The following FHIT variants were observed in gnomAD, a reference collection of about 807,000 sequenced individuals.
The protein encoded by FHIT is fragile histidine triad diadenosine triphosphatase, also known as bis(5'-adenosyl)-triphosphatase.
Under a neutral mutation model 17.9 loss-of-function variants are expected in FHIT, and 19 were observed. The ratio of observed to expected loss-of-function variants is 1.06; its 90% CI spans 0.74 to 1.56. The LOEUF is 1.56. Ranked by LOEUF, FHIT falls within the 40% of genes most tolerant of loss-of-function variation. The pLI, the probability that FHIT is intolerant of heterozygous loss-of-function variation, is 0.00. For missense variants in FHIT, 248 were observed against 189.2 expected (o/e 1.31, Z -1.82); for synonymous variants, 81 against 69.7 (o/e 1.16, Z -0.81).
chr3:59,886,282 C>T (rs1255536601), intron 8 of FHIT: 5 of 152,250 alleles, frequency 3.3e-5, no homozygotes, highest in African/African-American at 9.7e-5. Context: ...CTGAGCATCC[C>T]AGCTCCTACA....
Position 60,034,280 on chromosome 3 carries a change from T to C in FHIT, c.104-20128A>G, listed in dbSNP as rs577203849. Reference sequence around the variant, plus strand: ...TCAATGAACATGTCATTCAGATGAATTGTGCAGGTTGGCCAGCTGGCTGGC... The same window carrying C: ...TCAATGAACATGTCATTCAGATGAACTGTGCAGGTTGGCCAGCTGGCTGGC... On this transcript the variant is annotated intron_variant, in intron 5 of 9. Coordinates refer to ENST00000492590, the MANE Select transcript of FHIT (RefSeq NM_002012.4). Among the ~76,000 whole-genome samples, 57 of 152,350 alleles carry C rather than the reference T, an allele frequency of 3.7e-4. 1 individual carries two copies. The South Asian group carries it at 0.011, about 29-fold the overall frequency.
intron 3 of FHIT, among the ~76,000 whole-genome samples, chr3:60,882,773 T>C (rs62249338): frequency 0.24 from 36,942 of 152,056 alleles, 5,676 homozygotes; most frequent in East Asian, 0.59. Context: ...GAACAGGGAA[T>C]AGCTAAAAGC....
chr3:59,961,405 G>T (rs1000198379), intron 7 of FHIT, among the ~76,000 whole-genome samples: 2 of 152,102 alleles, frequency 1.3e-5, no homozygotes, highest in Non-Finnish European at 2.9e-5. Flanking sequence ...TCATTTCGCT[G>T]TACTTATAGC....
intron 8 of FHIT, among the ~76,000 whole-genome samples, chr3:59,913,355 G>C (rs977785853): frequency 6.6e-6 from 1 of 152,132 alleles, no homozygotes; most frequent in Non-Finnish European, 1.5e-5. Flanking sequence ...ATTTTCCTTA[G>C]GCTAAAGCAA....
At chr3:60,784,604 G>T (rs1553726382) in intron 4 of FHIT, among the ~76,000 whole-genome samples, 1 of 152,150 alleles carries the variant, frequency 6.6e-6, no homozygotes, top group Non-Finnish European at 1.5e-5. Flanking sequence ...CCAAAATTCT[G>T]GGATTACAGG....
chr3:59,752,811 G>A (rs1700992916), intron 8 of FHIT, among the ~76,000 whole-genome samples: 3 of 152,120 alleles, frequency 2.0e-5, no homozygotes, highest in Admixed American at 2.0e-4. Context: ...AGGTTCCTGA[G>A]GCCTCCCCAA....
chr3:60,135,593 GT>G (rs1217102008), intron 5 of FHIT, among the ~76,000 whole-genome samples: 2 of 152,014 alleles, frequency 1.3e-5, no homozygotes, highest in East Asian at 1.9e-4. Flanking sequence ...TCTACATGAA[GT>G]AACCCGACTG....
rs1219243730 is a variant in FHIT at position 60,448,624 on chromosome 3, G to A, written c.103+88236C>T. ...GACAACCTGAACTAGCTCTCTGGAT[G>A]CAACATTGAAAGCTCTTAACCGCAT... On this transcript the variant is annotated intron_variant, in intron 5 of 9. Coordinates refer to ENST00000492590, the MANE Select transcript of FHIT (RefSeq NM_002012.4). Among the ~76,000 whole-genome samples the A allele has an allele frequency of 2.6e-5, 4 of 152,138 alleles. 1 individual carries two copies. In the South Asian group the frequency reaches 8.3e-4, roughly 32 times the overall value.
intron 5 of FHIT, among the ~76,000 whole-genome samples, chr3:60,510,398 A>C (rs2034904229): frequency 6.6e-6 from 1 of 152,182 alleles, no homozygotes; most frequent in South Asian, 2.1e-4. Flanking sequence ...TCCTTTAGGA[A>C]TTTTAGGACC....
At chr3:60,962,119 T>C (rs968016094) in intron 3 of FHIT, among the ~76,000 whole-genome samples, 1 of 152,222 alleles carries the variant, frequency 6.6e-6, no homozygotes, top group African/African-American at 2.4e-5. Context: ...CAGTGGTTTG[T>C]AGTTCTCCTT....
chr3:60,292,220 A>T (rs1391473110), intron 5 of FHIT, among the ~76,000 whole-genome samples: 2 of 152,290 alleles, frequency 1.3e-5, no homozygotes, highest in East Asian at 3.9e-4. Flanking sequence ...CTTCATCTTC[A>T]AAACAAAATA....
intron 5 of FHIT, among the ~76,000 whole-genome samples, chr3:60,264,455 G>C (rs1382281242): frequency 6.6e-6 from 1 of 151,702 alleles, no homozygotes; most frequent in African/African-American, 2.4e-5. Context: ...ATTATCATTA[G>C]AAATACTCAA....
intron 4 of FHIT, among the ~76,000 whole-genome samples, chr3:60,761,758 T>G (rs1553719980): frequency 6.6e-6 from 1 of 151,686 alleles, no homozygotes; most frequent in East Asian, 1.9e-4. Context: ...ACATAATAAA[T>G]AATTCAAACA....
chr3:60,189,352 A>G (rs1466217677), intron 5 of FHIT, among the ~76,000 whole-genome samples: 2 of 152,188 alleles, frequency 1.3e-5, no homozygotes, highest in Non-Finnish European at 2.9e-5. Context: ...AATAAATTGC[A>G]TGTGGCAATG....
chr3:60,195,905 A>T (rs1215998244), intron 5 of FHIT, among the ~76,000 whole-genome samples: 2 of 151,936 alleles, frequency 1.3e-5, no homozygotes, highest in African/African-American at 2.4e-5. Context: ...GGGGGATTTT[A>T]AAAAACTACA....
At chr3:60,216,627 A>G (rs1703711075) in intron 5 of FHIT, among the ~76,000 whole-genome samples, 1 of 152,198 alleles carries the variant, frequency 6.6e-6, no homozygotes. Context: ...TGCTTAGAGT[A>G]TGTTTACTAT....
At chr3:59,916,521 A>G (rs775194512) in intron 8 of FHIT, among the ~76,000 whole-genome samples, 1 of 152,182 alleles carries the variant, frequency 6.6e-6, no homozygotes, top group African/African-American at 2.4e-5. Flanking sequence ...AGAGAACACT[A>G]ATACATATAT....
chr3:60,098,484 T>G (rs1001985239), intron 5 of FHIT, among the ~76,000 whole-genome samples: 4 of 152,078 alleles, frequency 2.6e-5, no homozygotes, highest in African/African-American at 9.7e-5. Context: ...GAGCATTTTT[T>G]CATGTGTTTT....
At chr3:59,954,285 A>T (rs966516353) in intron 7 of FHIT, among the ~76,000 whole-genome samples, 1 of 138,080 alleles carries the variant, frequency 7.2e-6, no homozygotes, top group African/African-American at 2.8e-5. Context: ...GGCCTGATTC[A>T]TTCAGGCTTG....
Sources: gnomAD v4.1 joint callset for allele counts (sites outside exome capture counted in the v4.1 genomes callset) on GRCh38, gnomAD v4.1.1 for gene constraint, MANE v1.5 for transcripts, NCBI Gene and HGNC (gene_info 2026-07-23, HGNC 2026-07-21) for gene names.